CHRM4: variants seen among roughly 807,000 people sequenced by gnomAD.
CHRM4 encodes cholinergic receptor muscarinic 4.
In CHRM4, 5 loss-of-function variants were observed where a neutral mutation model predicts 26.3. The observed-to-expected ratio is 0.19, with a 90% CI of 0.10 to 0.40. CHRM4 has a LOEUF of 0.40. CHRM4 is among the 10% of genes least tolerant of loss of function. The pLI is 1.00. For missense variants in CHRM4, 402 were observed against 664.5 expected (o/e 0.60, Z 4.34); for synonymous variants, 290 against 285.3 (o/e 1.02, Z -0.16).
In CHRM4 at chr11:46,384,353, C is replaced by T. The variant is rs752135493; in HGVS notation, c.*765G>A. Among the ~76,000 whole-genome samples, 2 of 152,214 alleles carry T rather than the reference C, an allele frequency of 1.3e-5. No individual in the cohort carries two copies. Among genetic ancestry groups the T allele is most frequent in the Non-Finnish European group, 2.9e-5 (2 of 68,040 alleles). Reference sequence around the variant, plus strand: ...GAGGGCAGATGGGAATGCCATCCACCACAGCCTCACCCTGACTCGATGTGT... The same window carrying T: ...GAGGGCAGATGGGAATGCCATCCACTACAGCCTCACCCTGACTCGATGTGT... On this transcript the variant is annotated 3_prime_UTR_variant, in exon 2 of 2. Coordinates refer to ENST00000682254, the MANE Select transcript of CHRM4 (RefSeq NM_000741.5).
rs772586917 is a variant in CHRM4 at position 46,385,378 on chromosome 11, G to C, written c.1180C>G (p.Arg394Gly). ...ATCGTTCGTGTCACTTTGCGCTCCC[G>C]GGCCGCCATCTGCCGCTTCTTGCGC... ...QVRKKRQMAA[R>G]ERKVTRTIFA... Residue 394 changes from arginine to glycine, a missense_variant, in exon 2 of 2, where the codon CGG (arginine) becomes GGG (glycine). Around this residue, in one of 5 missense-constraint regions of CHRM4, gnomAD observed 55 missense variants for 126.4 expected, o/e 0.44. Transcript: ENST00000682254. The surrounding 1 kb of genome is among the most constrained non-coding windows in gnomAD (Gnocchi z 6.3). 1 of 1,609,684 alleles carries C rather than the reference G, an allele frequency of 6.2e-7. No individual in the cohort carries two copies. Among genetic ancestry groups the C allele is most frequent in the Non-Finnish European group, 8.5e-7 (1 of 1,176,518 alleles).
At position 46,391,085 on chromosome 11, in the gene CHRM4, C is replaced by G. The variant is rs1945387193; in HGVS notation, c.-30+446G>C. Among the ~76,000 whole-genome samples, 1 of 103,374 alleles carries G rather than the reference C, an allele frequency of 9.7e-6. No homozygotes were observed. The highest frequency in any genetic ancestry group is 3.8e-5 in the African/African-American group (1 of 26,192). 67.8% of individuals were successfully genotyped at this position (103,374 alleles called of 152,430 possible). A position where few individuals can be genotyped will look rare whatever the true frequency, so the allele number is the denominator to read the frequency against. On this transcript the variant is annotated intron_variant, in intron 1 of 1. Coordinates refer to ENST00000682254, the MANE Select transcript of CHRM4 (RefSeq NM_000741.5). This position sits in a 1 kb window ranked among gnomAD's most constrained non-coding sequence, Gnocchi z 6.3. Reference sequence around the variant, plus strand: ...GCTGGGCAGCAAAGGGGGGTAGTACCGGAGCGGGGGAGGGGTGTCGGGGAG... The same window carrying G: ...GCTGGGCAGCAAAGGGGGGTAGTACGGGAGCGGGGGAGGGGTGTCGGGGAG...
At chr11:46,387,194 G>A (rs1260757983) in intron 1 of CHRM4, among the ~76,000 whole-genome samples, 3 of 152,230 alleles carry the variant, frequency 2.0e-5, no homozygotes, top group Admixed American at 6.5e-5. Context: ...TCCAACCCCT[G>A]TAGAAGACAC....
At position 46,391,091 on chromosome 11, in the gene CHRM4, G is replaced by A. The variant is rs951839038; in HGVS notation, c.-30+440C>T. Among the ~76,000 whole-genome samples, 1 of 152,046 alleles carries A rather than the reference G, an allele frequency of 6.6e-6. No individual in the cohort carries two copies. The highest frequency in any genetic ancestry group is 2.4e-5 in the African/African-American group (1 of 41,396). On this transcript the variant is annotated intron_variant, in intron 1 of 1. Coordinates refer to ENST00000682254, the MANE Select transcript of CHRM4 (RefSeq NM_000741.5). The surrounding 1 kb of genome is among the most constrained non-coding windows in gnomAD (Gnocchi z 6.3). ...CAGCAAAGGGGGGTAGTACCGGAGC[G>A]GGGGAGGGGTGTCGGGGAGGGCAGG...
Position 46,383,986 on chromosome 11 carries a change from A to G in CHRM4, c.*1132T>C. 1 of 227,188 alleles carries G rather than the reference A, an allele frequency of 4.4e-6. No homozygotes were observed. Among genetic ancestry groups the G allele is most frequent in the Admixed American group, 5.3e-5 (1 of 18,944 alleles). 14.1% of individuals were successfully genotyped at this position (227,188 alleles called of 1,614,324 possible). A position where few individuals can be genotyped will look rare whatever the true frequency, so the allele number is the denominator to read the frequency against. The stretch of plus-strand genomic sequence containing the variant: ...CAGAACAATTACAAACATTTCTTCC[A>G]GGGCCCCTGAAAGGGTGCTCCCCAT... On this transcript the variant is annotated 3_prime_UTR_variant, in exon 2 of 2. Coordinates refer to ENST00000682254, the MANE Select transcript of CHRM4 (RefSeq NM_000741.5).
chr11:46,384,827 G>T lies in CHRM4; in HGVS notation c.*291C>A, dbSNP rs1945317069. Among the ~76,000 whole-genome samples, 1 of 152,240 alleles carries T rather than the reference G, an allele frequency of 6.6e-6. No individual in the cohort carries two copies. The highest frequency in any genetic ancestry group is 6.5e-5 in the Admixed American group (1 of 15,292). On this transcript the variant is annotated 3_prime_UTR_variant, in exon 2 of 2. Coordinates refer to ENST00000682254, the MANE Select transcript of CHRM4 (RefSeq NM_000741.5). ...GTCCATTCTTCCAGCACTGCTGATGGTTGGTCACAGTGGGGCAGGTGCCCA... is the reference window on the plus strand; with the variant it reads ...GTCCATTCTTCCAGCACTGCTGATGTTTGGTCACAGTGGGGCAGGTGCCCA...
At position 46,385,226 on chromosome 11, in the gene CHRM4, G is replaced by C; in HGVS notation, c.1332C>G (p.Val444=). The C allele has an allele frequency of 6.2e-7, 1 of 1,614,080 alleles. No homozygotes were observed. The highest frequency in any genetic ancestry group is 2.2e-5 in the East Asian group (1 of 44,890). ...VWSIGYWLCY[V]NSTINPACYA... ...AGCAGGCAGGGTTGATGGTGCTGTT[G>C]ACGTAGCAGAGCCAGTAGCCAATGG... Residue 444 remains valine, a synonymous_variant, in exon 2 of 2, where the codon GTC becomes GTG. Transcript: ENST00000682254. The surrounding 1 kb of genome is among the most constrained non-coding windows in gnomAD (Gnocchi z 6.3).
In CHRM4 at chr11:46,385,625, T is replaced by C. The variant is rs1402839171; in HGVS notation, c.933A>G (p.Thr311=). The change falls in exon 2 of 2, where the codon ACA becomes ACG. Residue 311 remains threonine (T), a synonymous_variant. Coordinates refer to ENST00000682254, the MANE Select transcript of CHRM4 (RefSeq NM_000741.5). The surrounding 1 kb of genome is among the most constrained non-coding windows in gnomAD (Gnocchi z 6.3). ...ATQNTKERPA[T]ELSTTEATTP... is the part of the protein sequence containing the mutation. ...TGGTGGCCTCTGTGGTGGACAGCTC[T>C]GTGGCTGGGCGTTCCTTGGTGTTCT... 1 of 1,536,770 alleles carries C rather than the reference T, an allele frequency of 6.5e-7. No individual in the cohort carries two copies. The highest frequency in any genetic ancestry group is 8.8e-7 in the Non-Finnish European group (1 of 1,142,006).
At position 46,385,365 on chromosome 11, in the gene CHRM4, A is replaced by C; in HGVS notation, c.1193T>G (p.Val398Gly). 6.2e-7 allele frequency: 1 copy of C among 1,610,146 alleles called. No homozygotes were observed. The highest frequency in any genetic ancestry group is 8.5e-7 in the Non-Finnish European group (1 of 1,176,742). ...KRQMAARERK[V>G]TRTIFAILLA... ...CAGAATGGCAAAGATCGTTCGTGTC[A>C]CTTTGCGCTCCCGGGCCGCCATCTG... Residue 398 changes from valine (V) to glycine (G), a missense_variant, in exon 2 of 2, where the codon GTG becomes GGG. Physicochemically the swap from Val to Gly is moderately radical, Grantham distance 109. Coordinates refer to ENST00000682254, the MANE Select transcript of CHRM4 (RefSeq NM_000741.5). The surrounding 1 kb of genome is among the most constrained non-coding windows in gnomAD (Gnocchi z 6.3).
At chr11:46,390,626 G>T (rs960653726) in intron 1 of CHRM4, among the ~76,000 whole-genome samples, 22 of 152,340 alleles carry the variant, frequency 1.4e-4, no homozygotes, top group Middle Eastern at 3.4e-3. Context: ...AGTTTCTCAC[G>T]CTAGGGTCGG....
chr11:46,384,928 T>C lies in CHRM4; in HGVS notation c.*190A>G, dbSNP rs1165274935. 2 of 522,054 alleles carry C rather than the reference T, an allele frequency of 3.8e-6. No individual in the cohort carries two copies. The highest frequency in any genetic ancestry group is 4.9e-6 in the Non-Finnish European group (2 of 406,710). 32.3% of individuals were successfully genotyped at this position (522,054 alleles called of 1,614,324 possible). ...AGGCAGCCCCAGTTCAGACACTCCC[T>C]GGGGTGAGCCTCCTCAGCCTGAGCA... On this transcript the variant is annotated 3_prime_UTR_variant, in exon 2 of 2. Transcript: ENST00000682254.
Position 46,385,582 on chromosome 11 carries a change from G to T in CHRM4, c.976C>A (p.Pro326Thr). 6.4e-7 allele frequency: 1 copy of T among 1,555,550 alleles called. No homozygotes were observed. The highest frequency in any genetic ancestry group is 8.7e-7 in the Non-Finnish European group (1 of 1,147,044). Residue 326 changes from proline (P) to threonine (T), a missense_variant, in exon 2 of 2, where the codon CCT (proline) becomes ACT (threonine). Transcript: ENST00000682254. The surrounding 1 kb of genome is among the most constrained non-coding windows in gnomAD (Gnocchi z 6.3). The stretch of plus-strand genomic sequence containing the variant: ...TTGAGGGCCCGCGGCTGCAGGGGAG[G>T]GGCGGGCATGGCGGGCGTGGTGGCC... ...TEATTPAMPA[P>T]PLQPRALNPA...
chr11:46,386,560 T>G lies in CHRM4; in HGVS notation c.-3A>C. ...TTGACAGGTGTGAAGTTGGCCATGT[T>G]GGTTGCCAGGGGTGGGTAGGCCGTG... On this transcript the variant is annotated 5_prime_UTR_variant, in exon 2 of 2. Transcript: ENST00000682254. This position sits in a 1 kb window ranked among gnomAD's most constrained non-coding sequence, Gnocchi z 5.8. 6.2e-7 allele frequency: 1 copy of G among 1,607,200 alleles called. No individual in the cohort carries two copies. Among genetic ancestry groups the G allele is most frequent in the Non-Finnish European group, 8.5e-7 (1 of 1,174,802 alleles).
intron 1 of CHRM4, among the ~76,000 whole-genome samples, chr11:46,387,377 C>T (rs1379138849): frequency 6.6e-6 from 1 of 152,182 alleles, no homozygotes; most frequent in Non-Finnish European, 1.5e-5. Context: ...CTCAAGCCAT[C>T]CTCTCACCTC....
chr11:46,389,814 G>T (rs1565105910), intron 1 of CHRM4, among the ~76,000 whole-genome samples: 1 of 152,246 alleles, frequency 6.6e-6, no homozygotes, highest in African/African-American at 2.4e-5. Flanking sequence ...ACCCTGCGAG[G>T]AACGTGTGGG....
rs997356160 is a variant in CHRM4 at position 46,385,571 on chromosome 11, C to A, written c.987G>T (p.Gln329His). 4.5e-6 allele frequency: 7 copies of A among 1,560,908 alleles called. No individual in the cohort carries two copies. Among genetic ancestry groups the A allele is most frequent in the African/African-American group, 4.1e-5 (3 of 73,896 alleles). Reference sequence around the variant, plus strand: ...TGGAGGCTGGGTTGAGGGCCCGCGGCTGCAGGGGAGGGGCGGGCATGGCGG... The same window carrying A: ...TGGAGGCTGGGTTGAGGGCCCGCGGATGCAGGGGAGGGGCGGGCATGGCGG... Reference protein sequence around the residue: ...TTPAMPAPPLQPRALNPASRW... With the variant: ...TTPAMPAPPLHPRALNPASRW... The change falls in exon 2 of 2, where the codon CAG (glutamine) becomes CAT (histidine). Residue 329 changes from glutamine (Q) to histidine (H), a missense_variant. By Grantham distance (24) the Gln-to-His change is conservative (BLOSUM62 0). Coordinates refer to ENST00000682254, the MANE Select transcript of CHRM4 (RefSeq NM_000741.5). This position sits in a 1 kb window ranked among gnomAD's most constrained non-coding sequence, Gnocchi z 6.3.
Position 46,385,678 on chromosome 11 carries a change from T to A in CHRM4, c.880A>T (p.Asn294Tyr). 2 of 1,544,654 alleles carry A rather than the reference T, an allele frequency of 1.3e-6. No homozygotes were observed. The highest frequency in any genetic ancestry group is 1.7e-6 in the Non-Finnish European group (2 of 1,147,904). ...GTGGCACTGCCTGAGCTGGACTCAT[T>A]GGAAGTGTCCTTATCAGCCACGGGG... ...PRPVADKDTS[N>Y]ESSSGSATQN... Residue 294 changes from asparagine (N) to tyrosine (Y), a missense_variant, in exon 2 of 2, where the codon AAT (asparagine) becomes TAT (tyrosine). Transcript: ENST00000682254. The surrounding 1 kb of genome is among the most constrained non-coding windows in gnomAD (Gnocchi z 6.3).
At position 46,391,379 on chromosome 11, in the gene CHRM4, C is replaced by T. The variant is rs1019708573; in HGVS notation, c.-30+152G>A. Among the ~76,000 whole-genome samples the T allele has an allele frequency of 5.9e-5, 9 of 151,956 alleles. No homozygotes were observed. The highest frequency in any genetic ancestry group is 2.2e-4 in the African/African-American group (9 of 41,366). Reference sequence around the variant, plus strand: ...CGCCCCCGACATCCTGGATGCCCACCCCTTCCCACGGGCGCACCCGGGCGC... The same window carrying T: ...CGCCCCCGACATCCTGGATGCCCACTCCTTCCCACGGGCGCACCCGGGCGC... On this transcript the variant is annotated intron_variant, in intron 1 of 1. Coordinates refer to ENST00000682254, the MANE Select transcript of CHRM4 (RefSeq NM_000741.5). The surrounding 1 kb of genome is among the most constrained non-coding windows in gnomAD (Gnocchi z 6.3).
chr11:46,385,136 G>A lies in CHRM4; in HGVS notation c.1422C>T (p.Asn474=), dbSNP rs1382126407. ...TGCCTGCCTACCTGGCAGTGCCGAT[G>A]TTCCGATACTGGCACAGCAGCAGGT... ...FRHLLLCQYR[N]IGTAR is the part of the protein sequence containing the mutation. Residue 474 remains asparagine (N), a synonymous_variant, in exon 2 of 2, where the codon AAC becomes AAT. Transcript: ENST00000682254. The surrounding 1 kb of genome is among the most constrained non-coding windows in gnomAD (Gnocchi z 6.3). The A allele has an allele frequency of 6.2e-7, 1 of 1,609,422 alleles. No homozygotes were observed.
Sources: gnomAD v4.1 joint callset for allele counts (sites outside exome capture counted in the v4.1 genomes callset) on GRCh38, gnomAD v4.1.1 for gene constraint, gnomAD v4.1.1 regional missense constraint, Gnocchi (gnomAD v3.1) non-coding constraint, MANE v1.5 for transcripts, NCBI Gene and HGNC (gene_info 2026-07-23, HGNC 2026-07-21) for gene names.